EPS15: variants seen among roughly 807,000 people sequenced by gnomAD.
EPS15 encodes the protein epidermal growth factor receptor pathway substrate 15, also known as epidermal growth factor receptor substrate 15.
EPS15 carries 72 observed loss-of-function variants against 113.8 expected under a neutral mutation model. The ratio of observed to expected loss-of-function variants is 0.63; its 90% confidence interval spans 0.52 to 0.77. The LOEUF is 0.77. EPS15 is among the 30% of genes least tolerant of loss of function. The pLI, the probability that EPS15 is intolerant of heterozygous loss-of-function variation, is 0.00. For synonymous variants in EPS15, 344 were observed against 363.4 expected (o/e 0.95, Z 0.61); for missense variants, 1,048 against 1,045.8 (o/e 1.00, Z -0.03).
At chr1:51,373,020 A>C in intron 21 of EPS15, 1 of 244,206 alleles carries the variant, frequency 4.1e-6, no homozygotes, top group Non-Finnish European at 8.1e-6. Context: ...TCAACGACCA[A>C]ATGGCAGTGG....
intron 18 of EPS15, among the ~76,000 whole-genome samples, chr1:51,401,551 G>A (rs906988664): frequency 2.0e-5 from 3 of 152,282 alleles, no homozygotes; most frequent in South Asian, 2.1e-4. Context: ...AAATCTTTGC[G>A]ACTTAGGTAA....
At chr1:51,417,982 G>A (rs1004481412) in intron 13 of EPS15, among the ~76,000 whole-genome samples, 5 of 152,156 alleles carry the variant, frequency 3.3e-5, no homozygotes, top group African/African-American at 1.2e-4. Context: ...TGGTTTAGGA[G>A]GAAAGGCAAG....
intron 13 of EPS15, among the ~76,000 whole-genome samples, chr1:51,416,974 C>T (rs545667125): frequency 2.0e-5 from 3 of 151,938 alleles, no homozygotes; most frequent in African/African-American, 7.2e-5. Flanking sequence ...AAAAATGTAT[C>T]AACTATAGAA....
chr1:51,450,169 T>C (rs1557481572), intron 8 of EPS15, among the ~76,000 whole-genome samples: 1 of 151,678 alleles, frequency 6.6e-6, no homozygotes, highest in Non-Finnish European at 1.5e-5. Flanking sequence ...ACGTGGGACA[T>C]AAGGCTCCCA....
chr1:51,405,907 G>A lies in EPS15; in HGVS notation c.1675C>T (p.Pro559Ser). Residue 559 changes from proline to serine, a missense_variant and splice_region_variant, in exon 16 of 25, where the codon CCA becomes TCA. Physicochemically the swap from Pro to Ser is moderately conservative, Grantham distance 74. Transcript: ENST00000371733. ...LESEPIHQES[P>S]ARSSPELLPS... ...GGTTATGAAAGTATTAGACTCACTG[G>A]AGATTCCTGGTGTATGGGCTCAGAC... 1.2e-6 allele frequency: 2 copies of A among 1,613,658 alleles called. No individual in the cohort carries two copies. The highest frequency in any genetic ancestry group is 3.3e-4 in the Middle Eastern group (2 of 6,060).
At chr1:51,509,934 G>A (rs561145242) in intron 1 of EPS15, among the ~76,000 whole-genome samples, 11 of 152,176 alleles carry the variant, frequency 7.2e-5, no homozygotes, top group East Asian at 5.8e-4. Context: ...ATCAATATCC[G>A]AGTTGCTTAG....
rs113247322 is a variant in EPS15 at position 51,366,089 on chromosome 1, C to CA, written c.2120-61dup. On this transcript the variant is annotated intron_variant, in intron 21 of 24. Transcript: ENST00000371733. ...AGTAAGACATTTTTTTTTTTTGAGACAGAGTCTCACTCTGTCCACCCAGCC... is the reference window on the plus strand; with the variant it reads ...AGTAAGACATTTTTTTTTTTTGAGACAAGAGTCTCACTCTGTCCACCCAGCC... 1.6e-3 allele frequency: 1,818 copies of CA among 1,155,048 alleles called. 21 individuals carry two copies. In the African/African-American group the frequency reaches 0.025, roughly 16 times the overall value. The allele number at this position is 1,155,048 out of a possible 1,614,324, so 71.5% of individuals were successfully genotyped here. A position where few individuals can be genotyped will look rare whatever the true frequency, so the allele number is the denominator to read the frequency against.
intron 12 of EPS15, among the ~76,000 whole-genome samples, chr1:51,429,110 A>G (rs923707994): frequency 1.3e-5 from 2 of 152,172 alleles, no homozygotes; most frequent in Middle Eastern, 3.4e-3. Context: ...ACCTCAAGCA[A>G]TCCTCCCATC....
intron 21 of EPS15, among the ~76,000 whole-genome samples, chr1:51,389,086 C>G (rs933898258): frequency 6.6e-6 from 1 of 152,040 alleles, no homozygotes; most frequent in Non-Finnish European, 1.5e-5. Flanking sequence ...ACTGGCAAAC[C>G]GAATCCAGCA....
chr1:51,421,441 G>T (rs182803596), intron 13 of EPS15, among the ~76,000 whole-genome samples: 105 of 151,854 alleles, frequency 6.9e-4, no homozygotes, highest in Non-Finnish European at 1.2e-3. Context: ...ATGATGATGA[G>T]ATGATGATCT....
intron 20 of EPS15, among the ~76,000 whole-genome samples, chr1:51,395,392 ACT>A (rs1469763162): frequency 1.3e-5 from 2 of 152,200 alleles, no homozygotes; most frequent in African/African-American, 4.8e-5. Flanking sequence ...GAATGCACAC[ACT>A]ATTTTAATTC....
chr1:51,495,072 A>C (rs1166510843), intron 1 of EPS15, among the ~76,000 whole-genome samples: 5 of 152,236 alleles, frequency 3.3e-5, no homozygotes, highest in Non-Finnish European at 4.4e-5. Flanking sequence ...TTGTAATTAT[A>C]AAGTATGCAA....
chr1:51,357,426 A>ATATATATATTTT (rs1443627608), intron 24 of EPS15, among the ~76,000 whole-genome samples: 1 of 53,542 alleles, frequency 1.9e-5, no homozygotes, highest in African/African-American at 9.6e-5. Context: ...ATATATATAT[A>ATATATATATTTT]TTTTTTTTTT....
chr1:51,509,974 C>G (rs1216275621), intron 1 of EPS15, among the ~76,000 whole-genome samples: 2 of 152,232 alleles, frequency 1.3e-5, no homozygotes, highest in African/African-American at 4.8e-5. Flanking sequence ...GGCTCTACCA[C>G]TTAGCAGCAG....
chr1:51,492,523 C>T (rs1355123876), intron 1 of EPS15, among the ~76,000 whole-genome samples: 2 of 151,960 alleles, frequency 1.3e-5, no homozygotes, highest in African/African-American at 4.8e-5. Context: ...TACTGAAAAA[C>T]GATGGATGTA....
At chr1:51,367,324 G>T (rs1646529548) in intron 21 of EPS15, among the ~76,000 whole-genome samples, 1 of 152,120 alleles carries the variant, frequency 6.6e-6, no homozygotes, top group Non-Finnish European at 1.5e-5. Flanking sequence ...AACATAGGTG[G>T]GCAGATCACT....
intron 1 of EPS15, among the ~76,000 whole-genome samples, chr1:51,510,895 T>C (rs1176440161): frequency 6.6e-6 from 1 of 152,218 alleles, no homozygotes; most frequent in African/African-American, 2.4e-5. Context: ...CCGGGCACGA[T>C]GGCTCACGCC....
chr1:51,505,064 G>A (rs1260413829), intron 1 of EPS15, among the ~76,000 whole-genome samples: 1 of 151,864 alleles, frequency 6.6e-6, no homozygotes, highest in Non-Finnish European at 1.5e-5. Context: ...AGGTTGCAGT[G>A]AGCCATGATT....
At chr1:51,468,716 T>TA (rs1655026270) in intron 4 of EPS15, 148 bp from the exon 5 acceptor site, 3 of 610,360 alleles carry the variant, frequency 4.9e-6, no homozygotes, top group Non-Finnish European at 8.8e-6. Context: ...GCTTCAAAAA[T>TA]ATCTTGCAGA....
Sources: gnomAD v4.1 joint callset for allele counts (sites outside exome capture counted in the v4.1 genomes callset) on GRCh38, gnomAD v4.1.1 for gene constraint, MANE v1.5 for transcripts, NCBI Gene and HGNC (gene_info 2026-07-23, HGNC 2026-07-21) for gene names.